ABLIM1: variants seen among roughly 807,000 people sequenced by gnomAD.
ABLIM1 encodes actin-binding LIM protein 1.
In ABLIM1, 40 loss-of-function variants were observed where a neutral mutation model predicts 107.0. The observed-to-expected ratio is 0.37, with a 90% CI of 0.29 to 0.49. The LOEUF is 0.49. Among genes scored for constraint, ABLIM1 ranks in the 20% least tolerant of loss-of-function variants. ABLIM1 has a pLI of 0.97. For synonymous variants in ABLIM1, 357 were observed against 357.3 expected (o/e 1.00, Z 0.01); for missense variants, 857 against 1,008.5 (o/e 0.85, Z 2.04).
At chr10:114,582,106 C>A (rs2073456683) in intron 2 of ABLIM1, among the ~76,000 whole-genome samples, 1 of 152,100 alleles carries the variant, frequency 6.6e-6, no homozygotes, top group Non-Finnish European at 1.5e-5. Flanking sequence ...TGATTCTATA[C>A]CTGGAAAACC....
chr10:114,720,743 CA>C (rs1378811377), intron 1 of ABLIM1, among the ~76,000 whole-genome samples: 1 of 151,570 alleles, frequency 6.6e-6, no homozygotes, highest in Non-Finnish European at 1.5e-5. Context: ...AAAAAAAAAG[CA>C]AGCATAAAAA....
intron 21 of ABLIM1, among the ~76,000 whole-genome samples, chr10:114,438,848 T>G (rs1009273731): frequency 1.7e-4 from 26 of 152,224 alleles, no homozygotes; most frequent in African/African-American, 6.3e-4. Flanking sequence ...GAAACAGGGT[T>G]GCCTCACCTA....
chr10:114,740,523 C>T (rs1489128800), intron 1 of ABLIM1, among the ~76,000 whole-genome samples: 1 of 151,832 alleles, frequency 6.6e-6, no homozygotes, highest in African/African-American at 2.4e-5. Context: ...TCACATCCTC[C>T]TAGGGGACTC....
In ABLIM1 at chr10:114,676,646, T is replaced by G. The variant is rs189626797; in HGVS notation, c.64+7644A>C. 1.8e-3 allele frequency among the ~76,000 whole-genome samples: 275 copies of G among 152,210 alleles called. 2 individuals are homozygous for G. Among genetic ancestry groups the G allele is most frequent in the South Asian group, 0.011 (53 of 4,810 alleles). ...AAACCCCTCAAGAATTCCTTTAAAT[T>G]TTATTGCCAATCTCAGGCTTAATGA... On this transcript the variant is annotated intron_variant, in intron 1 of 23. Coordinates refer to the ABLIM1 transcript ENST00000369256.
At chr10:114,769,333 A>T (rs1032854138), upstream of ABLIM1, among the ~76,000 whole-genome samples, 1 of 150,510 alleles carries the variant, frequency 6.6e-6, no homozygotes, top group African/African-American at 2.5e-5. Context: ...ACAGAGCAAG[A>T]CTCCATCGAG....
At chr10:114,449,668 C>A (rs2061547345) in intron 14 of ABLIM1, among the ~76,000 whole-genome samples, 1 of 152,188 alleles carries the variant, frequency 6.6e-6, no homozygotes. Flanking sequence ...TTGGAAAACA[C>A]TACATAGGAA....
chr10:114,474,980 T>C lies in ABLIM1; in HGVS notation c.1042-1024A>G, dbSNP rs150976350. ...GTTTCTTATTTGCCTTCTGCCATGATTGTGAGGCCTCCCCAGCCATGTGGA... is the reference window on the plus strand; with the variant it reads ...GTTTCTTATTTGCCTTCTGCCATGACTGTGAGGCCTCCCCAGCCATGTGGA... On this transcript the variant is annotated intron_variant, in intron 8 of 22. Transcript: ENST00000533213. Among the ~76,000 whole-genome samples, 461 of 152,278 alleles carry C rather than the reference T, an allele frequency of 3.0e-3. 3 individuals are homozygous for C. Among genetic ancestry groups the C allele is most frequent in the African/African-American group, 0.01 (428 of 41,552 alleles).
At chr10:114,436,946 C>T (rs1193496002) in intron 22 of ABLIM1, among the ~76,000 whole-genome samples, 2 of 152,130 alleles carry the variant, frequency 1.3e-5, no homozygotes, top group African/African-American at 2.4e-5. Flanking sequence ...CGGAGACTGG[C>T]AGCCAGGGTT....
At chr10:114,723,386 G>A (rs2081891547) in intron 1 of ABLIM1, among the ~76,000 whole-genome samples, 1 of 152,132 alleles carries the variant, frequency 6.6e-6, no homozygotes, top group Admixed American at 6.5e-5. Flanking sequence ...CTTTGGAAAT[G>A]GAATAAAGGG....
At chr10:114,621,861 C>T (rs1388637490) in intron 1 of ABLIM1, among the ~76,000 whole-genome samples, 1 of 152,254 alleles carries the variant, frequency 6.6e-6, no homozygotes, top group Non-Finnish European at 1.5e-5. Context: ...CGCTATGGCT[C>T]ATTGCTATTT....
At chr10:114,518,131 A>C (rs746947079) in intron 6 of ABLIM1, among the ~76,000 whole-genome samples, 2 of 152,204 alleles carry the variant, frequency 1.3e-5, no homozygotes, top group African/African-American at 2.4e-5. Context: ...TCCTATTTGT[A>C]TAAAAGAATA....
intron 6 of ABLIM1, among the ~76,000 whole-genome samples, chr10:114,542,239 G>A (rs550080071): frequency 1.3e-5 from 2 of 151,426 alleles, no homozygotes; most frequent in Admixed American, 6.6e-5. Context: ...TGAGACTCCC[G>A]TTCTTTACAA....
At chr10:114,580,381 A>AT (rs1411498391) in intron 2 of ABLIM1, among the ~76,000 whole-genome samples, 2 of 151,752 alleles carry the variant, frequency 1.3e-5, no homozygotes, top group Non-Finnish European at 2.9e-5. Flanking sequence ...CTAATTTTTA[A>AT]TTTTTTTGTA....
At chr10:114,758,503 T>C (rs1050647408) in intron 1 of ABLIM1, among the ~76,000 whole-genome samples, 9 of 152,322 alleles carry the variant, frequency 5.9e-5, no homozygotes, top group Admixed American at 3.9e-4. Flanking sequence ...CCATTAGAGA[T>C]TGCCAACCCC....
intron 3 of ABLIM1, among the ~76,000 whole-genome samples, chr10:114,573,748 T>C: frequency 6.6e-6 from 1 of 152,210 alleles, no homozygotes. Flanking sequence ...GACTCGCATC[T>C]AGTTCACAGC....
intron 2 of ABLIM1, among the ~76,000 whole-genome samples, chr10:114,599,514 G>A (rs147519889): frequency 0.053 from 8,032 of 152,200 alleles, 256 homozygotes; most frequent in East Asian, 0.11. Context: ...GCTCACGCCT[G>A]TAATCCCAGC....
intron 14 of ABLIM1, among the ~76,000 whole-genome samples, chr10:114,451,292 G>T (rs1305528118): frequency 6.6e-6 from 1 of 152,164 alleles, no homozygotes; most frequent in Non-Finnish European, 1.5e-5. Context: ...ATTTTAAAGG[G>T]TGACTATATT....
At chr10:114,770,092 C>CTTGAGAATA (rs2083004927), upstream of ABLIM1, among the ~76,000 whole-genome samples, 1 of 152,170 alleles carries the variant, frequency 6.6e-6, no homozygotes. Flanking sequence ...TTATTTTGCC[C>CTTGAGAATA]ATTACCTTGA....
intron 1 of ABLIM1, among the ~76,000 whole-genome samples, chr10:114,704,298 C>CTATATA (rs1368796727): frequency 7.0e-5 from 2 of 28,748 alleles, no homozygotes; most frequent in South Asian, 1.1e-3. Context: ...CTCTCTCTCT[C>CTATATA]TCTCTATATA....
Sources: allele counts gnomAD v4.1 joint callset (sites outside exome capture counted in the v4.1 genomes callset), GRCh38; gene constraint gnomAD v4.1.1; transcripts MANE v1.5; gene names NCBI Gene and HGNC (gene_info 2026-07-23, HGNC 2026-07-21).